Variants in RBMS1 observed in about 807,000 individuals in gnomAD.
The protein encoded by RBMS1 is RNA-binding motif, single-stranded-interacting protein 1.
In RBMS1, 17 loss-of-function variants were observed where a neutral mutation model predicts 62.3. The observed-to-expected ratio is 0.27, with a 90% CI of 0.19 to 0.41. RBMS1 has a LOEUF of 0.41. Ranked by LOEUF, RBMS1 falls within the 10% of genes least tolerant of loss-of-function variation. The pLI is 1.00. For missense variants in RBMS1, 334 were observed against 504.5 expected, an observed-to-expected ratio of 0.66 and a Z score of 3.24; for synonymous variants, 172 against 170.0, an observed-to-expected ratio of 1.01 and a Z score of -0.09.
chr2:160,424,631 T>C (rs1696572399), intron 1 of RBMS1, among the ~76,000 whole-genome samples: 1 of 152,198 alleles, frequency 6.6e-6, no homozygotes, highest in Non-Finnish European at 1.5e-5. Context: ...TGGGTTCTTC[T>C]TCAACCCAAC....
At chr2:160,488,917 A>G (rs1026237354) in intron 1 of RBMS1, among the ~76,000 whole-genome samples, 4 of 152,198 alleles carry the variant, frequency 2.6e-5, no homozygotes, top group Non-Finnish European at 5.9e-5. Context: ...ACAAAGTCAG[A>G]GCAATATATT....
chr2:160,419,372 T>A (rs1389699777), intron 1 of RBMS1, among the ~76,000 whole-genome samples: 2 of 152,180 alleles, frequency 1.3e-5, no homozygotes, highest in East Asian at 1.9e-4. Flanking sequence ...AATCATAATT[T>A]AAGCTTTTAG....
chr2:160,291,885 C>T (rs972284743), intron 6 of RBMS1, among the ~76,000 whole-genome samples: 5 of 152,206 alleles, frequency 3.3e-5, no homozygotes, highest in Non-Finnish European at 7.3e-5. Flanking sequence ...CTCCATACCT[C>T]CCATGACTCC....
chr2:160,335,377 C>T lies in RBMS1; in HGVS notation c.252-17150G>A, dbSNP rs1432299833. Among the ~76,000 whole-genome samples, 6 of 152,132 alleles carry T rather than the reference C, an allele frequency of 3.9e-5. 1 individual carries two copies. Among genetic ancestry groups the T allele is most frequent in the African/African-American group, 1.4e-4 (6 of 41,446 alleles). On this transcript the variant is annotated intron_variant, in intron 2 of 13. Coordinates refer to ENST00000348849, the MANE Select transcript of RBMS1 (RefSeq NM_016836.4). ...TCCGATTCACCAATGGGCTGAGATG[C>T]TCTTACTGTTACACCATGCAGCAAA...
intron 1 of RBMS1, among the ~76,000 whole-genome samples, chr2:160,485,914 G>A (rs1685582816): frequency 6.6e-6 from 1 of 151,938 alleles, no homozygotes; most frequent in African/African-American, 2.4e-5. Flanking sequence ...ACATTTTTCT[G>A]GCAAATTTTT....
chr2:160,416,591 C>G (rs1455492759), intron 1 of RBMS1, among the ~76,000 whole-genome samples: 1 of 152,066 alleles, frequency 6.6e-6, no homozygotes, highest in Admixed American at 6.6e-5. Flanking sequence ...ACCACCTGCC[C>G]CTGCCCCGCC....
At position 160,362,239 on chromosome 2, in the gene RBMS1, T is replaced by C. The variant is rs144699452; in HGVS notation, c.251+4977A>G. Among the ~76,000 whole-genome samples, 327 of 152,372 alleles carry C rather than the reference T, an allele frequency of 2.1e-3. 4 individuals are homozygous for C. Among genetic ancestry groups the C allele is most frequent in the African/African-American group, 7.4e-3 (306 of 41,604 alleles). ...TCAGCAATAAGGACGTTTTGCTTTC[T>C]TATTCATTTGTTCACTGGAGTGGCA... is the stretch of plus-strand genomic sequence containing the variant. On this transcript the variant is annotated intron_variant, in intron 2 of 13. Transcript: ENST00000348849.
At chr2:160,452,334 C>T (rs374972209) in intron 1 of RBMS1, among the ~76,000 whole-genome samples, 13 of 152,244 alleles carry the variant, frequency 8.5e-5, no homozygotes, top group African/African-American at 2.4e-4. Context: ...GAGATGGGTT[C>T]CAGGACCCCC....
At chr2:160,461,355 G>C (rs1176565451) in intron 1 of RBMS1, among the ~76,000 whole-genome samples, 1 of 152,198 alleles carries the variant, frequency 6.6e-6, no homozygotes, top group Non-Finnish European at 1.5e-5. Flanking sequence ...ATAATTCTCT[G>C]ATGAAAAGAA....
chr2:160,424,623 G>C (rs953930327), intron 1 of RBMS1, among the ~76,000 whole-genome samples: 1 of 151,920 alleles, frequency 6.6e-6, no homozygotes, highest in Non-Finnish European at 1.5e-5. Context: ...CTGCTGTTTG[G>C]GTTCTTCTTC....
intron 1 of RBMS1, among the ~76,000 whole-genome samples, chr2:160,405,446 C>A (rs1383446651): frequency 6.6e-6 from 1 of 152,136 alleles, no homozygotes; most frequent in Non-Finnish European, 1.5e-5. Context: ...ATTAGACTTC[C>A]CATTTAGGCT....
intron 1 of RBMS1, among the ~76,000 whole-genome samples, chr2:160,413,018 A>G (rs934404976): frequency 6.6e-6 from 1 of 152,086 alleles, no homozygotes; most frequent in African/African-American, 2.4e-5. Flanking sequence ...TGAAAGAAGG[A>G]AAAAAAATGG....
chr2:160,298,839 G>A (rs76430414), intron 6 of RBMS1, among the ~76,000 whole-genome samples: 4,893 of 152,188 alleles, frequency 0.032, 139 homozygotes, highest in Middle Eastern at 0.11. Context: ...ATATGGCTGC[G>A]GTCTTCCTAA....
chr2:160,358,202 G>C (rs960675024), intron 2 of RBMS1, among the ~76,000 whole-genome samples: 2 of 152,106 alleles, frequency 1.3e-5, no homozygotes, highest in Non-Finnish European at 2.9e-5. Context: ...GATTGCGAAG[G>C]TTCTGTGTTT....
intron 1 of RBMS1, among the ~76,000 whole-genome samples, chr2:160,393,647 C>A (rs1209728304): frequency 6.6e-6 from 1 of 151,836 alleles, no homozygotes; most frequent in Non-Finnish European, 1.5e-5. Context: ...TGTGGTGGCA[C>A]ATGTCTGTAA....
intron 2 of RBMS1, among the ~76,000 whole-genome samples, chr2:160,363,171 C>T (rs1693221025): frequency 6.6e-6 from 1 of 152,116 alleles, no homozygotes; most frequent in Non-Finnish European, 1.5e-5. Flanking sequence ...CAGAACTTGC[C>T]TAGCACTTTT....
At chr2:160,380,144 T>G (rs2105186444) in intron 1 of RBMS1, among the ~76,000 whole-genome samples, 4 of 152,078 alleles carry the variant, frequency 2.6e-5, no homozygotes, top group Middle Eastern at 6.8e-3. Context: ...ATGCACAAAA[T>G]AAGAAAATGA....
At chr2:160,359,141 G>A (rs1692978560) in intron 2 of RBMS1, among the ~76,000 whole-genome samples, 1 of 152,112 alleles carries the variant, frequency 6.6e-6, no homozygotes, top group Non-Finnish European at 1.5e-5. Flanking sequence ...CAATTTGCTT[G>A]GAAGATAACA....
At position 160,272,852 on chromosome 2, in the gene RBMS1, T is replaced by A. The variant is rs771149521; in HGVS notation, c.*1920A>T. 7 of 152,270 alleles carry A rather than the reference T, an allele frequency of 4.6e-5. No individual in the cohort carries two copies. Among genetic ancestry groups the A allele is most frequent in the Non-Finnish European group, 7.3e-5 (5 of 68,040 alleles). 9.4% of individuals were successfully genotyped at this position (152,270 alleles called of 1,614,324 possible). On this transcript the variant is annotated 3_prime_UTR_variant, in exon 14 of 14. Coordinates refer to ENST00000348849, the MANE Select transcript of RBMS1 (RefSeq NM_016836.4). The stretch of plus-strand genomic sequence containing the variant: ...AGCAAGGACTTTTGAAACTATGAAA[T>A]GTCACTGACATCTATCATCAAATAC...
Sources: gnomAD v4.1 joint callset for allele counts (sites outside exome capture counted in the v4.1 genomes callset) on GRCh38, gnomAD v4.1.1 for gene constraint, MANE v1.5 for transcripts, NCBI Gene and HGNC (gene_info 2026-07-23, HGNC 2026-07-21) for gene names.